The following ELOVL6 variants were observed in gnomAD, a reference collection of about 807,000 sequenced individuals.
ELOVL6 encodes very long chain fatty acid elongase 6.
In ELOVL6, 8 loss-of-function variants were observed where a neutral mutation model predicts 31.7. The ratio of observed to expected loss-of-function variants is 0.25; its 90% CI spans 0.15 to 0.45. ELOVL6 has a LOEUF of 0.45. ELOVL6 is among the 20% of genes least tolerant of loss of function. The pLI, the probability that ELOVL6 is intolerant of heterozygous loss-of-function variation, is 1.00. For synonymous variants in ELOVL6, 101 were observed against 117.7 expected (o/e 0.86, Z 0.92); for missense variants, 126 against 326.4 (o/e 0.39, Z 4.73).
At chr4:110,147,225 CA>C in intron 1 of ELOVL6, 1 of 139,822 alleles carries the variant, frequency 7.2e-6, no homozygotes, top group Non-Finnish European at 1.4e-5. Flanking sequence ...ACTGAAGAAA[CA>C]AAAACTTATG....
At chr4:110,155,572 A>ATT (rs956518501) in intron 1 of ELOVL6, among the ~76,000 whole-genome samples, 13 of 152,268 alleles carry the variant, frequency 8.5e-5, no homozygotes, top group African/African-American at 3.1e-4. Flanking sequence ...TGGAACACTT[A>ATT]TTTTTCCTCT....
intron 1 of ELOVL6, among the ~76,000 whole-genome samples, chr4:110,180,887 A>G (rs1759252300): frequency 6.6e-6 from 1 of 152,242 alleles, no homozygotes; most frequent in Non-Finnish European, 1.5e-5. Flanking sequence ...CTGTAACCCC[A>G]GCACTTTGGG....
At chr4:110,113,227 CAAAAA>C (rs754003099) in intron 1 of ELOVL6, among the ~76,000 whole-genome samples, 1 of 107,516 alleles carries the variant, frequency 9.3e-6, no homozygotes, top group East Asian at 2.8e-4. Flanking sequence ...GACTCCGTCT[CAAAAA>C]AAAAAAAAAA....
chr4:110,105,727 CT>C, intron 1 of ELOVL6, 99 bp from the exon 2 acceptor site: 1 of 1,120,288 alleles, frequency 8.9e-7, no homozygotes, highest in Non-Finnish European at 1.3e-6. Flanking sequence ...AAAAAATATT[CT>C]TGAGAATATT....
At chr4:110,052,099 T>C (rs979423437) in intron 3 of ELOVL6, among the ~76,000 whole-genome samples, 1 of 152,238 alleles carries the variant, frequency 6.6e-6, no homozygotes, top group Admixed American at 6.5e-5. Context: ...TTATCCATCA[T>C]TGATCTGGAA....
chr4:110,155,183 T>A (rs1430792513), intron 1 of ELOVL6, among the ~76,000 whole-genome samples: 1 of 152,176 alleles, frequency 6.6e-6, no homozygotes, highest in Admixed American at 6.5e-5. Flanking sequence ...GAAGTACCTA[T>A]TGACCACACT....
At chr4:110,105,748 C>T (rs1756868769) in intron 1 of ELOVL6, 120 bp from the exon 2 acceptor site, 1 of 890,124 alleles carries the variant, frequency 1.1e-6, no homozygotes, top group Non-Finnish European at 1.7e-6. Context: ...TCCTGCTTCA[C>T]TGAAGAGGGA....
At chr4:110,111,654 A>G (rs1314060860) in intron 1 of ELOVL6, among the ~76,000 whole-genome samples, 1 of 152,178 alleles carries the variant, frequency 6.6e-6, no homozygotes, top group Non-Finnish European at 1.5e-5. Flanking sequence ...TTTTATAAAG[A>G]GCTAAGGAAG....
rs142637943 is a variant in ELOVL6, at chr4:110,051,371, G to A, written c.765C>T (p.Ile255=). 505 of 1,613,976 alleles carry A rather than the reference G, an allele frequency of 3.1e-4. No individual in the cohort carries two copies. Among genetic ancestry groups the A allele is most frequent in the Non-Finnish European group, 3.8e-4 (454 of 1,180,014 alleles). ...CTTTCGTTGTTTTCCTCATTTTGCC[G>A]ATGTAGGCCTCAAAGAAGAAATGGC... ...LFCHFFFEAY[I]GKMRKTTKAE is the part of the protein sequence containing the mutation. The change falls in exon 4 of 4, where the codon ATC becomes ATT. Residue 255 remains isoleucine (I), a synonymous_variant. Transcript: ENST00000302274. The surrounding 1 kb of genome is among the most constrained non-coding windows in gnomAD (Gnocchi z 4.8).
chr4:110,153,948 GT>G (rs1471147576), intron 1 of ELOVL6, among the ~76,000 whole-genome samples: 4 of 152,108 alleles, frequency 2.6e-5, no homozygotes, highest in Non-Finnish European at 5.9e-5. Context: ...GAAACAGGAA[GT>G]TTTTTTCTCC....
At chr4:110,182,400 T>C (rs1015460106) in intron 1 of ELOVL6, among the ~76,000 whole-genome samples, 1 of 152,226 alleles carries the variant, frequency 6.6e-6, no homozygotes, top group Non-Finnish European at 1.5e-5. Context: ...TTATGTTTAA[T>C]TGTATTGCTA....
chr4:110,197,585 T>C (rs1227542604), intron 1 of ELOVL6, among the ~76,000 whole-genome samples: 1 of 152,130 alleles, frequency 6.6e-6, no homozygotes, highest in Non-Finnish European at 1.5e-5. Context: ...ATTCATTTAT[T>C]ACTGTTTTCA....
Position 110,084,169 on chromosome 4 carries a change from ATATATGATATATATAACATATAACT to A in ELOVL6, c.221+21303_221+21327del, listed in dbSNP as rs1373698876. 2.9e-3 allele frequency among the ~76,000 whole-genome samples: 126 copies of A among 43,070 alleles called. 6 individuals carry two copies. The highest frequency in any genetic ancestry group is 4.2e-3 in the South Asian group (6 of 1,424). The allele number at this position is 43,070 out of a possible 152,430, so 28.3% of individuals were successfully genotyped here. On this transcript the variant is annotated intron_variant, in intron 2 of 3. Transcript: ENST00000302274. ...ATGATATATATAACATATATGTGAT[ATATATGATATATATAACATATAACT>A]TATATGATATATATAACATATAACT...
At chr4:110,071,001 T>C (rs1755463741) in intron 2 of ELOVL6, among the ~76,000 whole-genome samples, 1 of 152,194 alleles carries the variant, frequency 6.6e-6, no homozygotes, top group Admixed American at 6.5e-5. Flanking sequence ...TAACATTATC[T>C]GTATAGAGTC....
chr4:110,148,108 T>G (rs922518942), intron 1 of ELOVL6, among the ~76,000 whole-genome samples: 6 of 63,196 alleles, frequency 9.5e-5, no homozygotes, highest in African/African-American at 4.6e-4. Context: ...AAACTCGGTC[T>G]CAAAAAAAAA....
intron 1 of ELOVL6, among the ~76,000 whole-genome samples, chr4:110,139,053 G>A (rs761733239): frequency 2.6e-5 from 4 of 152,012 alleles, no homozygotes; most frequent in Non-Finnish European, 5.9e-5. Context: ...TATCTTGCAG[G>A]GTTGAAGATT....
At chr4:110,110,004 AC>A (rs1756987861) in intron 1 of ELOVL6, among the ~76,000 whole-genome samples, 1 of 152,210 alleles carries the variant, frequency 6.6e-6, no homozygotes, top group South Asian at 2.1e-4. Flanking sequence ...ATACCTATCT[AC>A]CTAGTGCAGA....
chr4:110,195,923 A>G (rs898673175), intron 1 of ELOVL6, among the ~76,000 whole-genome samples: 5 of 152,188 alleles, frequency 3.3e-5, no homozygotes, highest in African/African-American at 1.2e-4. Flanking sequence ...ACAGTAAAGG[A>G]TATTGCCAGA....
chr4:110,153,741 G>A (rs1451758577), intron 1 of ELOVL6, among the ~76,000 whole-genome samples: 2 of 152,130 alleles, frequency 1.3e-5, no homozygotes, highest in African/African-American at 2.4e-5. Context: ...AAAATTTTAA[G>A]AGTGGTTTTG....
Sources: allele counts gnomAD v4.1 joint callset (sites outside exome capture counted in the v4.1 genomes callset), GRCh38; gene constraint gnomAD v4.1.1; non-coding constraint Gnocchi (gnomAD v3.1); transcripts MANE v1.5; gene names NCBI Gene and HGNC (gene_info 2026-07-23, HGNC 2026-07-21).